Variants in PTPRN2 observed in about 807,000 individuals in gnomAD.
PTPRN2 encodes receptor-type tyrosine-protein phosphatase N2.
PTPRN2 carries 74 observed loss-of-function variants against 118.8 expected under a neutral mutation model. That is an observed-to-expected ratio of 0.62 (90% CI 0.52 to 0.76). PTPRN2 has a LOEUF of 0.76. PTPRN2 is among the 30% of genes least tolerant of loss of function. The probability of loss-of-function intolerance (pLI) is 0.00; values close to 1 mark genes in which losing one functional copy is unlikely to be tolerated. For missense variants in PTPRN2, 1,481 were observed against 1,394.4 expected (o/e 1.06, Z -0.99); for synonymous variants, 641 against 608.0 (o/e 1.05, Z -0.80).
At chr7:158,322,363 A>G (rs6459858) in intron 2 of PTPRN2, among the ~76,000 whole-genome samples, 60,708 of 151,762 alleles carry the variant, frequency 0.4, 12,261 homozygotes, top group Middle Eastern at 0.47. Context: ...GCACGAGAGC[A>G]CCTGACAGAG....
At chr7:157,575,787 T>C (rs1800005804) in intron 19 of PTPRN2, among the ~76,000 whole-genome samples, 1 of 152,244 alleles carries the variant, frequency 6.6e-6, no homozygotes, top group Non-Finnish European at 1.5e-5. Flanking sequence ...CTTCTTATTC[T>C]CCTTGTTTGG....
In PTPRN2 at chr7:158,316,806, A is replaced by C. The variant is rs1357516831; in HGVS notation, c.277+13T>G. The C allele has an allele frequency of 6.3e-7, 1 of 1,582,730 alleles. No homozygotes were observed. Among genetic ancestry groups the C allele is most frequent in the Non-Finnish European group, 8.5e-7 (1 of 1,170,022 alleles). On this transcript the variant is annotated intron_variant, in intron 3 of 22. Transcript: ENST00000389418. ...TGCGGCAGCCGCCGAGCCTCGGCCC[A>C]CGCCCGCCCTACCTGTGCCGGAAAG...
intron 10 of PTPRN2, among the ~76,000 whole-genome samples, chr7:158,086,626 G>A (rs1348943856): frequency 6.6e-6 from 1 of 152,202 alleles, no homozygotes; most frequent in Non-Finnish European, 1.5e-5. Context: ...TGTGGAAAAT[G>A]TGGCACTCAA....
At chr7:157,580,546 C>T (rs1800300366) in intron 17 of PTPRN2, among the ~76,000 whole-genome samples, 2 of 143,744 alleles carry the variant, frequency 1.4e-5, no homozygotes, top group African/African-American at 2.6e-5. Flanking sequence ...CGAGCCGAGC[C>T]CCTGCACATC....
intron 1 of PTPRN2, among the ~76,000 whole-genome samples, chr7:158,496,137 G>A (rs1377798529): frequency 6.6e-6 from 1 of 151,800 alleles, no homozygotes; most frequent in Non-Finnish European, 1.5e-5. Flanking sequence ...CTCCACATGA[G>A]AGGGACTGAC....
intron 9 of PTPRN2, among the ~76,000 whole-genome samples, chr7:158,126,691 C>G (rs1183572822): frequency 2.6e-5 from 4 of 151,200 alleles, no homozygotes; most frequent in Non-Finnish European, 5.9e-5. Context: ...GGAACTTCCT[C>G]TCCGCCACAC....
At chr7:158,516,386 A>G (rs1031815604) in intron 1 of PTPRN2, among the ~76,000 whole-genome samples, 1 of 152,232 alleles carries the variant, frequency 6.6e-6, no homozygotes, top group East Asian at 1.9e-4. Context: ...TTCTGTATGA[A>G]GCCAAAACTT....
chr7:157,981,826 G>A (rs1803175133), intron 11 of PTPRN2, among the ~76,000 whole-genome samples: 1 of 152,276 alleles, frequency 6.6e-6, no homozygotes, highest in African/African-American at 2.4e-5. Context: ...TATCATATCA[G>A]CCCATTCTTC....
At chr7:158,341,573 T>C (rs1806806248) in intron 2 of PTPRN2, among the ~76,000 whole-genome samples, 1 of 97,430 alleles carries the variant, frequency 1.0e-5, no homozygotes, top group Non-Finnish European at 2.2e-5. Flanking sequence ...ACCCACACTC[T>C]CACCATAAGA....
intron 3 of PTPRN2, among the ~76,000 whole-genome samples, chr7:158,228,678 A>C (rs564648357): frequency 6.6e-6 from 1 of 152,146 alleles, no homozygotes; most frequent in East Asian, 1.9e-4. Context: ...GCATCAGACC[A>C]CCATGTCTGC....
intron 12 of PTPRN2, among the ~76,000 whole-genome samples, chr7:157,882,113 G>A (rs1295011029): frequency 6.6e-6 from 1 of 151,958 alleles, no homozygotes; most frequent in Non-Finnish European, 1.5e-5. Context: ...TCATACATCA[G>A]CACATGCCAC....
intron 3 of PTPRN2, among the ~76,000 whole-genome samples, chr7:158,283,038 C>T (rs561720086): frequency 4.6e-5 from 7 of 152,288 alleles, no homozygotes; most frequent in East Asian, 1.9e-4. Flanking sequence ...GATCCCTCCT[C>T]GTGCTCCCAC....
intron 2 of PTPRN2, among the ~76,000 whole-genome samples, chr7:158,437,336 T>C (rs1816638994): frequency 6.6e-6 from 1 of 152,254 alleles, no homozygotes; most frequent in Admixed American, 6.5e-5. Context: ...TTACCCTTTA[T>C]TTTCTTGAAC....
intron 13 of PTPRN2, among the ~76,000 whole-genome samples, chr7:157,661,344 C>T (rs1795876212): frequency 6.6e-6 from 1 of 152,284 alleles, no homozygotes; most frequent in African/African-American, 2.4e-5. Context: ...CCCGTGGCGG[C>T]AGCTCTTCGC....
chr7:158,267,276 G>C (rs549606662), intron 3 of PTPRN2, among the ~76,000 whole-genome samples: 19 of 152,268 alleles, frequency 1.2e-4, no homozygotes, highest in African/African-American at 4.6e-4. Context: ...CTGGGTGCTG[G>C]AGTTGACCGG....
chr7:157,900,900 A>G, intron 11 of PTPRN2, among the ~76,000 whole-genome samples: 1 of 152,362 alleles, frequency 6.6e-6, no homozygotes, highest in Admixed American at 6.5e-5. Context: ...GGGGAGAGAT[A>G]CTGTCTTAGT....
chr7:158,468,413 A>G (rs1563328980), intron 2 of PTPRN2, among the ~76,000 whole-genome samples: 1 of 152,358 alleles, frequency 6.6e-6, no homozygotes, highest in South Asian at 2.1e-4. Flanking sequence ...CTGATAGCAC[A>G]TTACAGTCAC....
intron 1 of PTPRN2, among the ~76,000 whole-genome samples, chr7:158,560,499 T>C (rs1360933040): frequency 6.6e-6 from 1 of 152,264 alleles, no homozygotes; most frequent in African/African-American, 2.4e-5. Context: ...GAACTGATAT[T>C]CTTTGAGACC....
intron 11 of PTPRN2, among the ~76,000 whole-genome samples, chr7:158,053,843 A>C (rs1332044076): frequency 3.3e-5 from 5 of 149,326 alleles, no homozygotes; most frequent in Middle Eastern, 3.4e-3. Context: ...GAGACCCCAG[A>C]GACGCAGAGA....
Sources: allele counts gnomAD v4.1 joint callset (sites outside exome capture counted in the v4.1 genomes callset), GRCh38; gene constraint gnomAD v4.1.1; transcripts MANE v1.5; gene names NCBI Gene and HGNC (gene_info 2026-07-23, HGNC 2026-07-21).